The following CADPS2 variants were observed in gnomAD, a reference collection of about 807,000 sequenced individuals.
CADPS2 encodes calcium dependent secretion activator 2, also known as calcium-dependent secretion activator 2.
A neutral mutation model predicts 172.5 loss-of-function variants in CADPS2; 93 were observed. That is an observed-to-expected ratio of 0.54 (90% CI 0.46 to 0.64). The LOEUF (loss-of-function observed/expected upper bound fraction) is 0.64, where lower values mean the gene tolerates loss of function less well. Among genes scored for constraint, CADPS2 ranks in the 30% least tolerant of loss-of-function variants. CADPS2 has a pLI of 0.00. For missense variants in CADPS2, 1,420 were observed against 1,565.9 expected, an observed-to-expected ratio of 0.91 and a Z score of 1.57; for synonymous variants, 546 against 555.2, an observed-to-expected ratio of 0.98 and a Z score of 0.23.
chr7:122,320,898 A>G (rs747707975), intron 29 of CADPS2, among the ~76,000 whole-genome samples: 2 of 152,202 alleles, frequency 1.3e-5, no homozygotes, highest in Non-Finnish European at 2.9e-5. Context: ...TGTCTGGATG[A>G]ATTTTGCCCT....
intron 2 of CADPS2, among the ~76,000 whole-genome samples, chr7:122,685,820 T>C (rs540487146): frequency 6.6e-6 from 1 of 152,318 alleles, no homozygotes; most frequent in Non-Finnish European, 1.5e-5. Flanking sequence ...ATGGGTAAGA[T>C]CTTACAATCA....
intron 1 of CADPS2, among the ~76,000 whole-genome samples, chr7:122,870,498 G>A (rs73224241): frequency 9.7e-4 from 147 of 152,124 alleles, no homozygotes; most frequent in Non-Finnish European, 1.9e-3. Context: ...GAGAGATGTT[G>A]ATCAAAGGGT....
chr7:122,805,894 A>G (rs1233132174), intron 1 of CADPS2, among the ~76,000 whole-genome samples: 2 of 152,254 alleles, frequency 1.3e-5, no homozygotes, highest in East Asian at 3.8e-4. Context: ...AATGAGGCAC[A>G]CAGCTGTAAC....
intron 1 of CADPS2, among the ~76,000 whole-genome samples, chr7:122,831,556 G>A (rs1337534298): frequency 5.3e-5 from 8 of 152,186 alleles, no homozygotes; most frequent in African/African-American, 1.9e-4. Context: ...CCTGGAGGAG[G>A]GAAAGAATTG....
chr7:122,427,573 C>T lies in CADPS2; in HGVS notation c.2476+10768G>A, dbSNP rs547373266. 3.3e-5 allele frequency: 5 copies of T among 152,260 alleles called. No individual in the cohort carries two copies. In the South Asian group the frequency reaches 1.0e-3, roughly 32 times the overall value. 9.4% of individuals were successfully genotyped at this position (152,260 alleles called of 1,614,324 possible). A position where few individuals can be genotyped will look rare whatever the true frequency, so the allele number is the denominator to read the frequency against. On this transcript the variant is annotated intron_variant, in intron 17 of 29. Coordinates refer to ENST00000449022, the MANE Select transcript of CADPS2 (RefSeq NM_017954.11). ...TAAGCCCATCTTTCAAATAACACTT[C>T]CCAAACACTGTATCATTTTACCACT...
At chr7:122,350,544 A>G (rs904511201) in intron 27 of CADPS2, among the ~76,000 whole-genome samples, 2 of 152,234 alleles carry the variant, frequency 1.3e-5, no homozygotes, top group African/African-American at 2.4e-5. Flanking sequence ...GTTGTAAAAA[A>G]CTAAATACAG....
At chr7:122,758,451 T>G (rs976398356) in intron 1 of CADPS2, among the ~76,000 whole-genome samples, 6 of 152,198 alleles carry the variant, frequency 3.9e-5, no homozygotes, top group Non-Finnish European at 8.8e-5. Context: ...AAATGCAATC[T>G]CACATCTTAT....
chr7:122,394,061 T>C (rs144875445), intron 20 of CADPS2, among the ~76,000 whole-genome samples: 252 of 152,286 alleles, frequency 1.7e-3, no homozygotes, highest in African/African-American at 5.5e-3. Context: ...TAGGAGGGTG[T>C]CTGTGGGTTT....
At chr7:122,857,147 C>T (rs1383149740) in intron 1 of CADPS2, among the ~76,000 whole-genome samples, 3 of 152,012 alleles carry the variant, frequency 2.0e-5, no homozygotes, top group African/African-American at 7.2e-5. Flanking sequence ...AAGCAAGATA[C>T]AAAATTGTTT....
At chr7:122,702,594 T>C in intron 2 of CADPS2, 4 of 1,613,678 alleles carry the variant, frequency 2.5e-6, no homozygotes, top group Non-Finnish European at 3.4e-6. Flanking sequence ...AATTCCGATG[T>C]GATCTCATTT....
intron 8 of CADPS2, among the ~76,000 whole-genome samples, chr7:122,552,409 T>C (rs1358617897): frequency 6.6e-6 from 1 of 152,130 alleles, no homozygotes; most frequent in Non-Finnish European, 1.5e-5. Flanking sequence ...CTTTATGGAT[T>C]AAATTAAGAG....
chr7:122,824,160 A>C (rs1460737404), intron 1 of CADPS2, among the ~76,000 whole-genome samples: 1 of 152,214 alleles, frequency 6.6e-6, no homozygotes, highest in Non-Finnish European at 1.5e-5. Flanking sequence ...AATACAGTAA[A>C]CTGAGTGTTT....
chr7:122,413,141 G>C (rs751689370), intron 19 of CADPS2: 1 of 152,340 alleles, frequency 6.6e-6, no homozygotes, highest in Non-Finnish European at 1.5e-5. Context: ...GTGTGTGGAG[G>C]GGGGCATACT....
chr7:122,586,023 G>T (rs188126064), intron 6 of CADPS2, among the ~76,000 whole-genome samples: 2 of 151,894 alleles, frequency 1.3e-5, no homozygotes, highest in Non-Finnish European at 2.9e-5. Context: ...ACTTAAGCAA[G>T]ATAAATATAA....
intron 19 of CADPS2, among the ~76,000 whole-genome samples, chr7:122,408,181 T>TTA (rs966172402): frequency 5.3e-5 from 6 of 112,822 alleles, no homozygotes; most frequent in African/African-American, 1.9e-4. Context: ...TATACTGTTA[T>TTA]TTTTTTTTTT....
At chr7:122,881,003 AATAAAT>A (rs771230338) in intron 1 of CADPS2, among the ~76,000 whole-genome samples, 3 of 152,214 alleles carry the variant, frequency 2.0e-5, no homozygotes, top group Non-Finnish European at 2.9e-5. Flanking sequence ...ATTAATTTGA[AATAAAT>A]ATAAAGTAGC....
At chr7:122,529,985 C>T (rs2061617963) in intron 8 of CADPS2, among the ~76,000 whole-genome samples, 3 of 152,016 alleles carry the variant, frequency 2.0e-5, no homozygotes, top group Non-Finnish European at 4.4e-5. Flanking sequence ...GCATGAAAAA[C>T]TTACTTTAGA....
chr7:122,718,800 A>G (rs1222281246), intron 2 of CADPS2, among the ~76,000 whole-genome samples: 7 of 152,130 alleles, frequency 4.6e-5, no homozygotes, highest in Admixed American at 4.6e-4. Context: ...CTCTAATCAT[A>G]AGCTGGTATG....
At chr7:122,377,480 T>C (rs1478874281) in intron 25 of CADPS2, among the ~76,000 whole-genome samples, 1 of 152,170 alleles carries the variant, frequency 6.6e-6, no homozygotes, top group Non-Finnish European at 1.5e-5. Flanking sequence ...TAGCATGTAA[T>C]TGAATGATGC....
Sources: allele counts gnomAD v4.1 joint callset (sites outside exome capture counted in the v4.1 genomes callset), GRCh38; gene constraint gnomAD v4.1.1; transcripts MANE v1.5; gene names NCBI Gene and HGNC (gene_info 2026-07-23, HGNC 2026-07-21).